The following TCF7L2 variants were observed in gnomAD, a reference collection of about 807,000 sequenced individuals.
TCF7L2 encodes transcription factor 7-like 2.
In TCF7L2, 23 loss-of-function variants were observed where a neutral mutation model predicts 77.9. The observed-to-expected ratio is 0.30, with a 90% confidence interval of 0.21 to 0.42. The LOEUF is 0.42. Ranked by LOEUF, TCF7L2 falls within the 10% of genes least tolerant of loss-of-function variation. The pLI is 1.00. For missense variants in TCF7L2, 654 were observed against 793.1 expected, an observed-to-expected ratio of 0.82 and a Z score of 2.11; for synonymous variants, 413 against 340.2, an observed-to-expected ratio of 1.21 and a Z score of -2.36.
chr10:113,037,688 C>T (rs1314507725), intron 4 of TCF7L2, among the ~76,000 whole-genome samples: 1 of 152,182 alleles, frequency 6.6e-6, no homozygotes, highest in Admixed American at 6.5e-5. Context: ...TCACCTTCAA[C>T]AAAGCCCGAG....
chr10:113,166,031 GC>G lies in TCF7L2; in HGVS notation c.*65del, dbSNP rs1449922830. On this transcript the variant is annotated 3_prime_UTR_variant, in exon 14 of 14. Transcript: ENST00000627217. ...GGTTTTGTTTCACTTTTCTTAATTT[GC>G]CCCCCACCCCCACCTTGAAAGGTTT... 20 of 1,396,438 alleles carry G rather than the reference GC, an allele frequency of 1.4e-5. No homozygotes were observed. The highest frequency in any genetic ancestry group is 4.4e-5 in the African/African-American group (3 of 68,296). The allele number at this position is 1,396,438 out of a possible 1,614,324, so 86.5% of individuals were successfully genotyped here.
chr10:113,123,191 T>C (rs1375274505), intron 5 of TCF7L2, among the ~76,000 whole-genome samples: 2 of 152,222 alleles, frequency 1.3e-5, no homozygotes, highest in African/African-American at 4.8e-5. Flanking sequence ...GAGAGTTAAT[T>C]TGATACTAGT....
chr10:113,036,373 C>T (rs1440734796), intron 4 of TCF7L2, among the ~76,000 whole-genome samples: 1 of 152,044 alleles, frequency 6.6e-6, no homozygotes, highest in African/African-American at 2.4e-5. Flanking sequence ...CTAAAGGAGC[C>T]TCTCCTCATT....
chr10:112,965,666 TGTGTGTGTGTGG>T (rs2036604833), intron 4 of TCF7L2, among the ~76,000 whole-genome samples: 1 of 147,012 alleles, frequency 6.8e-6, no homozygotes, highest in Non-Finnish European at 1.5e-5. Flanking sequence ...TGTGTGTGTG[TGTGTGTGTGTGG>T]TCTTAGGTAG....
At chr10:112,999,272 G>C (rs960789541) in intron 4 of TCF7L2, among the ~76,000 whole-genome samples, 3 of 152,250 alleles carry the variant, frequency 2.0e-5, no homozygotes, top group African/African-American at 7.2e-5. Context: ...TTTGCCTTCT[G>C]TGTGGCTAAG....
At chr10:112,965,577 A>T (rs2036545173) in intron 4 of TCF7L2, among the ~76,000 whole-genome samples, 1 of 148,122 alleles carries the variant, frequency 6.8e-6, no homozygotes, top group Non-Finnish European at 1.5e-5. Flanking sequence ...TTATTCCATG[A>T]CTTCTTTTCT....
At chr10:113,069,355 A>C (rs2057667404) in intron 5 of TCF7L2, among the ~76,000 whole-genome samples, 1 of 151,610 alleles carries the variant, frequency 6.6e-6, no homozygotes, top group South Asian at 2.1e-4. Flanking sequence ...CAGCCTCCTG[A>C]GTAGCTGAGA....
At chr10:113,054,522 T>G (rs1473790088) in intron 5 of TCF7L2, among the ~76,000 whole-genome samples, 3 of 152,214 alleles carry the variant, frequency 2.0e-5, no homozygotes, top group Non-Finnish European at 4.4e-5. Flanking sequence ...TTGTTCTGTC[T>G]GTTCTCCAGG....
At chr10:112,959,244 A>G (rs1457685694) in intron 3 of TCF7L2, among the ~76,000 whole-genome samples, 2 of 152,152 alleles carry the variant, frequency 1.3e-5, no homozygotes, top group Non-Finnish European at 2.9e-5. Context: ...AGACCTACAG[A>G]TAAAACTTTC....
intron 5 of TCF7L2, among the ~76,000 whole-genome samples, chr10:113,113,574 C>T (rs1243056012): frequency 3.9e-5 from 6 of 152,170 alleles, no homozygotes; most frequent in African/African-American, 1.4e-4. Context: ...GAACAGTGTT[C>T]ACCCCCTTTA....
intron 5 of TCF7L2, chr10:113,089,272 C>T: frequency 1.9e-6 from 2 of 1,067,776 alleles, no homozygotes; most frequent in South Asian, 1.8e-5. Flanking sequence ...ACTGTAATCC[C>T]TCTATCATGG....
At chr10:113,129,438 C>G in intron 5 of TCF7L2, 5 of 1,008,144 alleles carry the variant, frequency 5.0e-6, no homozygotes, top group Non-Finnish European at 5.9e-6. Flanking sequence ...GGACCTTCCC[C>G]CTTCCTTCAC....
intron 4 of TCF7L2, among the ~76,000 whole-genome samples, chr10:113,029,218 A>C (rs145577573): frequency 6.6e-6 from 1 of 152,144 alleles, no homozygotes. Flanking sequence ...TGTTGACTCA[A>C]CTGCTCTTCT....
chr10:113,140,438 A>G (rs1430364644), intron 5 of TCF7L2, among the ~76,000 whole-genome samples: 2 of 152,170 alleles, frequency 1.3e-5, no homozygotes, highest in African/African-American at 4.8e-5. Flanking sequence ...TCTAAAATGC[A>G]TACCTTTTAT....
chr10:113,007,759 G>A (rs1458927938), intron 4 of TCF7L2, among the ~76,000 whole-genome samples: 2 of 152,202 alleles, frequency 1.3e-5, no homozygotes. Flanking sequence ...TTGTAGGAGG[G>A]CATGATGAGG....
intron 12 of TCF7L2, 94 bp from the exon 14 acceptor site, chr10:113,159,826 C>CTTTT: frequency 9.1e-6 from 2 of 219,756 alleles, no homozygotes; most frequent in East Asian, 1.8e-4. Flanking sequence ...TTGTATCTTT[C>CTTTT]TCTTCCCCCC....
At chr10:113,062,048 T>G (rs4918789) in intron 5 of TCF7L2, among the ~76,000 whole-genome samples, 79,176 of 152,038 alleles carry the variant, frequency 0.52, 23,365 homozygotes, top group African/African-American at 0.79. Context: ...GGGGTTGGGG[T>G]TGAGGGTGTA....
At chr10:113,028,247 T>G (rs1035340034) in intron 4 of TCF7L2, among the ~76,000 whole-genome samples, 2 of 151,988 alleles carry the variant, frequency 1.3e-5, no homozygotes, top group Non-Finnish European at 2.9e-5. Flanking sequence ...GGGTTAGGAG[T>G]AATTTGTTAC....
chr10:113,151,117 A>G lies in TCF7L2; in HGVS notation c.995A>G (p.His332Arg). 1.2e-6 allele frequency: 2 copies of G among 1,614,078 alleles called. No individual in the cohort carries two copies. The highest frequency in any genetic ancestry group is 1.7e-6 in the Non-Finnish European group (2 of 1,180,012). The change falls in exon 9 of 14, where the codon CAT (histidine) becomes CGT (arginine). Residue 332 changes from histidine (H) to arginine (R), a missense_variant. Transcript: ENST00000627217. This position sits in a 1 kb window ranked among gnomAD's most constrained non-coding sequence, Gnocchi z 5.2. ...TCCCAGAGTGATGTCGGCTCACTCC[A>G]TAGTTCGTAAGTGTTGCTGTTTTTC...
Sources: gnomAD v4.1 joint callset for allele counts (sites outside exome capture counted in the v4.1 genomes callset) on GRCh38, gnomAD v4.1.1 for gene constraint, Gnocchi (gnomAD v3.1) non-coding constraint, MANE v1.5 for transcripts, NCBI Gene and HGNC (gene_info 2026-07-23, HGNC 2026-07-21) for gene names.